YWHAE: variants seen among roughly 807,000 people sequenced by gnomAD.
YWHAE encodes the protein 14-3-3 protein epsilon.
In YWHAE, 4 loss-of-function variants were observed where a neutral mutation model predicts 30.1. The ratio of observed to expected loss-of-function variants is 0.13; its 90% confidence interval spans 0.07 to 0.30. YWHAE has a LOEUF of 0.30. YWHAE is among the 10% of genes least tolerant of loss of function. The pLI is 1.00. For synonymous variants in YWHAE, 118 were observed against 111.8 expected (o/e 1.06, Z -0.35); for missense variants, 121 against 315.9 (o/e 0.38, Z 4.68).
At chr17:1,354,149 A>T (rs2072688197) in intron 5 of YWHAE, 62 bp downstream of exon 5, 1 of 1,582,946 alleles carries the variant, frequency 6.3e-7, no homozygotes. Context: ...GGAATGTCTA[A>T]AGAGAGTACA....
At chr17:1,399,542 G>C (rs1052137190) in intron 1 of YWHAE, 2 of 181,706 alleles carry the variant, frequency 1.1e-5, no homozygotes, top group South Asian at 8.3e-5. Context: ...GCCCCACACG[G>C]GGCCTCCGGG....
chr17:1,358,371 C>G (rs796117456), intron 4 of YWHAE, among the ~76,000 whole-genome samples: 2 of 152,274 alleles, frequency 1.3e-5, no homozygotes, highest in African/African-American at 4.8e-5. Context: ...TCCCGAGTAG[C>G]TGGGACTACA....
At chr17:1,370,190 G>GAT (rs2073011632) in intron 1 of YWHAE, among the ~76,000 whole-genome samples, 2 of 135,530 alleles carry the variant, frequency 1.5e-5, no homozygotes. Context: ...GCCTGGGCGT[G>GAT]ATCTCGGCTC....
At chr17:1,393,583 T>C (rs2073421084) in intron 1 of YWHAE, among the ~76,000 whole-genome samples, 1 of 152,070 alleles carries the variant, frequency 6.6e-6, no homozygotes, top group Non-Finnish European at 1.5e-5. Flanking sequence ...GCACAAGCCA[T>C]CACAGGCCAG....
intron 1 of YWHAE, among the ~76,000 whole-genome samples, chr17:1,392,291 T>C (rs1038823035): frequency 2.0e-5 from 3 of 152,102 alleles, no homozygotes; most frequent in African/African-American, 7.2e-5. Flanking sequence ...GGGATGATCA[T>C]TTGGGCCTGG....
chr17:1,397,464 T>C (rs763009180), intron 1 of YWHAE, among the ~76,000 whole-genome samples: 1 of 152,136 alleles, frequency 6.6e-6, no homozygotes, highest in Non-Finnish European at 1.5e-5. Flanking sequence ...TCCATATAAA[T>C]TGATTCCAAC....
chr17:1,399,385 A>G (rs2073529045), intron 1 of YWHAE: 1 of 152,598 alleles, frequency 6.6e-6, no homozygotes, highest in Admixed American at 6.5e-5. Flanking sequence ...CGATCGCAGC[A>G]TGGGAGCCTG....
At chr17:1,360,241 C>T (rs367814115) in intron 4 of YWHAE, among the ~76,000 whole-genome samples, 10 of 151,910 alleles carry the variant, frequency 6.6e-5, no homozygotes, top group African/African-American at 2.4e-4. Context: ...GGATTACAGG[C>T]GTGAGCCACT....
intron 1 of YWHAE, among the ~76,000 whole-genome samples, chr17:1,394,459 A>AC (rs2073436124): frequency 7.2e-6 from 1 of 139,094 alleles, no homozygotes; most frequent in African/African-American, 2.7e-5. Flanking sequence ...AAAAAAAAAA[A>AC]AACACAAAAA....
chr17:1,370,356 C>T (rs2073018004), intron 1 of YWHAE, among the ~76,000 whole-genome samples: 1 of 151,850 alleles, frequency 6.6e-6, no homozygotes, highest in Admixed American at 6.6e-5. Flanking sequence ...CGGTCTCGAT[C>T]TCCTGACCTT....
intron 1 of YWHAE, among the ~76,000 whole-genome samples, chr17:1,369,455 C>A (rs35126676): frequency 0.037 from 5,634 of 152,290 alleles, 123 homozygotes; most frequent in East Asian, 0.053. Flanking sequence ...GATGGCTCCA[C>A]TGCACTACAG....
At chr17:1,368,192 G>A (rs1012949068) in intron 1 of YWHAE, among the ~76,000 whole-genome samples, 9 of 152,098 alleles carry the variant, frequency 5.9e-5, no homozygotes, top group African/African-American at 1.9e-4. Flanking sequence ...ATCGAGACCA[G>A]CCTGACCAGC....
intron 4 of YWHAE, among the ~76,000 whole-genome samples, chr17:1,354,980 T>TTTTG (rs2150842336): frequency 1.3e-5 from 1 of 74,412 alleles, no homozygotes; most frequent in South Asian, 3.5e-4. Flanking sequence ...TTTTTTTTTT[T>TTTTG]TTTTTTTTTT....
Position 1,400,170 on chromosome 17 carries a change from C to T in YWHAE, c.-60G>A, listed in dbSNP as rs996196650. The stretch of plus-strand genomic sequence containing the variant: ...ATGGAAGCGGATAGTGTCTCCGACT[C>T]TCTCAGCCTCTCGCTCCGCGTCCGG... On this transcript the variant is annotated 5_prime_UTR_variant, in exon 1 of 6. Coordinates refer to ENST00000264335, the MANE Select transcript of YWHAE (RefSeq NM_006761.5). 2 of 1,594,652 alleles carry T rather than the reference C, an allele frequency of 1.3e-6. No individual in the cohort carries two copies. The highest frequency in any genetic ancestry group is 8.6e-7 in the Non-Finnish European group (1 of 1,163,362).
chr17:1,396,373 G>C (rs571783503), intron 1 of YWHAE, among the ~76,000 whole-genome samples: 1 of 151,726 alleles, frequency 6.6e-6, no homozygotes, highest in African/African-American at 2.4e-5. Flanking sequence ...GCAGTGGGCC[G>C]AGATTGTGCC....
At chr17:1,388,947 G>A (rs2073349192) in intron 1 of YWHAE, among the ~76,000 whole-genome samples, 1 of 152,022 alleles carries the variant, frequency 6.6e-6, no homozygotes, top group Admixed American at 6.6e-5. Flanking sequence ...TCAAATACAA[G>A]TCATTAATCC....
At chr17:1,351,507 G>A (rs184245311) in intron 5 of YWHAE, among the ~76,000 whole-genome samples, 33 of 151,730 alleles carry the variant, frequency 2.2e-4, no homozygotes, top group Admixed American at 1.5e-3. Context: ...AGTCAATCCC[G>A]CGCCCCAAAC....
chr17:1,388,118 G>GTTTTTTTTTTT (rs1297503908), intron 1 of YWHAE, among the ~76,000 whole-genome samples: 9 of 15,498 alleles, frequency 5.8e-4, no homozygotes, highest in Admixed American at 1.3e-3. Context: ...TTTTTGGTTG[G>GTTTTTTTTTTT]TTTTTTTTTT....
intron 1 of YWHAE, among the ~76,000 whole-genome samples, chr17:1,388,373 G>A (rs1291601542): frequency 5.3e-5 from 8 of 151,582 alleles, no homozygotes; most frequent in Middle Eastern, 3.4e-3. Context: ...AAAATGAGCC[G>A]GGCGTGGTGG....
Sources: allele counts gnomAD v4.1 joint callset (sites outside exome capture counted in the v4.1 genomes callset), GRCh38; gene constraint gnomAD v4.1.1; transcripts MANE v1.5; gene names NCBI Gene and HGNC (gene_info 2026-07-23, HGNC 2026-07-21).